CFAP221: variants seen among roughly 807,000 people sequenced by gnomAD.
CFAP221 encodes cilia and flagella associated protein 221, also known as cilia- and flagella-associated protein 221.
In CFAP221, 97 loss-of-function variants were observed where a neutral mutation model predicts 113.1. The ratio of observed to expected loss-of-function variants is 0.86; its 90% CI spans 0.73 to 1.02. The LOEUF (loss-of-function observed/expected upper bound fraction) is 1.02, where lower values mean the gene tolerates loss of function less well. CFAP221 is among the 50% of genes least tolerant of loss of function. CFAP221 has a pLI of 0.00. For synonymous variants in CFAP221, 331 were observed against 354.4 expected (o/e 0.93, Z 0.74); for missense variants, 1,025 against 1,013.4 (o/e 1.01, Z -0.16).
In CFAP221 at chr2:119,611,215, C is replaced by T. The variant is rs904621860; in HGVS notation, c.1222-438C>T. On this transcript the variant is annotated intron_variant, in intron 12 of 23. Transcript: ENST00000413369. ...CTTTTTAATGAAATTTGTATAGTCC[C>T]ATAGTTACAGTTTCCTAAAATTCTT... is the stretch of plus-strand genomic sequence containing the variant. Among the ~76,000 whole-genome samples the T allele has an allele frequency of 7.2e-4, 109 of 152,062 alleles. 5 individuals are homozygous for T. Among genetic ancestry groups the T allele is most frequent in the African/African-American group, 2.7e-4 (11 of 41,400 alleles).
At chr2:119,545,193 A>C (rs1011859596) in intron 1 of CFAP221, 3 of 151,320 alleles carry the variant, frequency 2.0e-5, no homozygotes, top group Non-Finnish European at 2.9e-5. Flanking sequence ...AACCGAAAAA[A>C]CACACAAAGA....
chr2:119,632,485 T>C (rs1268094278), intron 19 of CFAP221, among the ~76,000 whole-genome samples: 1 of 152,110 alleles, frequency 6.6e-6, no homozygotes, highest in Non-Finnish European at 1.5e-5. Context: ...GGGAACTTCC[T>C]CAACCAAATA....
At chr2:119,594,396 C>T (rs148824668) in intron 7 of CFAP221, among the ~76,000 whole-genome samples, 79 of 151,686 alleles carry the variant, frequency 5.2e-4, no homozygotes, top group African/African-American at 1.7e-3. Flanking sequence ...CCAACACGCC[C>T]GGCTAATTTT....
At chr2:119,546,694 C>T (rs953254439) in intron 2 of CFAP221, among the ~76,000 whole-genome samples, 4 of 152,206 alleles carry the variant, frequency 2.6e-5, no homozygotes, top group Non-Finnish European at 5.9e-5. Flanking sequence ...GCCCCCTTCA[C>T]TGTCTGATCT....
At chr2:119,576,370 A>G (rs902868559) in intron 6 of CFAP221, among the ~76,000 whole-genome samples, 1 of 152,054 alleles carries the variant, frequency 6.6e-6, no homozygotes, top group Non-Finnish European at 1.5e-5. Flanking sequence ...TCCACACTCC[A>G]TAGGCCCCAG....
intron 20 of CFAP221, among the ~76,000 whole-genome samples, chr2:119,638,919 C>G (rs1489705487): frequency 6.6e-6 from 1 of 152,030 alleles, no homozygotes; most frequent in Non-Finnish European, 1.5e-5. Flanking sequence ...ACCCTTAACT[C>G]AGATTATGAG....
At chr2:119,567,590 A>G (rs1169007390) in intron 6 of CFAP221, among the ~76,000 whole-genome samples, 1 of 152,208 alleles carries the variant, frequency 6.6e-6, no homozygotes, top group African/African-American at 2.4e-5. Context: ...ATCCATATGC[A>G]GGTTTTTGTG....
intron 7 of CFAP221, among the ~76,000 whole-genome samples, chr2:119,599,001 G>A (rs1443034629): frequency 2.0e-5 from 3 of 152,156 alleles, no homozygotes; most frequent in South Asian, 4.1e-4. Flanking sequence ...GACCAAGTGG[G>A]TGGTCAAAGT....
In CFAP221 at chr2:119,596,023, G is replaced by A. The variant is rs577312466; in HGVS notation, c.632-5195G>A. On this transcript the variant is annotated intron_variant, in intron 7 of 23. Transcript: ENST00000413369. ...GCAGTGTGCAAGGCCTATTGGAGAG[G>A]CCTGCAGGGGTTCGAGGAGGGTGGG... Among the ~76,000 whole-genome samples the A allele has an allele frequency of 2.0e-5, 3 of 152,220 alleles. No homozygotes were observed. In the South Asian group the frequency reaches 6.2e-4, roughly 32 times the overall value.
chr2:119,608,156 G>T (rs1355340990), intron 11 of CFAP221, among the ~76,000 whole-genome samples: 1 of 152,090 alleles, frequency 6.6e-6, no homozygotes, highest in African/African-American at 2.4e-5. Context: ...CACTTGCTCA[G>T]CAATACCCGT....
At chr2:119,604,250 A>G (rs1053329465) in intron 8 of CFAP221, among the ~76,000 whole-genome samples, 1 of 152,160 alleles carries the variant, frequency 6.6e-6, no homozygotes, top group African/African-American at 2.4e-5. Flanking sequence ...CCTGGCCAAC[A>G]TGGTGAAACC....
chr2:119,616,623 G>A (rs1198240100), intron 14 of CFAP221, among the ~76,000 whole-genome samples: 1 of 152,130 alleles, frequency 6.6e-6, no homozygotes, highest in Non-Finnish European at 1.5e-5. Context: ...TGGTCTGGCC[G>A]CAGCCACACC....
At chr2:119,551,819 A>G (rs968108475) in intron 3 of CFAP221, among the ~76,000 whole-genome samples, 13 of 152,318 alleles carry the variant, frequency 8.5e-5, no homozygotes, top group Admixed American at 3.3e-4. Context: ...ATTGCATTGA[A>G]TCTGTAGATC....
intron 3 of CFAP221, among the ~76,000 whole-genome samples, chr2:119,558,219 G>T (rs1349865260): frequency 6.6e-6 from 1 of 152,076 alleles, no homozygotes; most frequent in African/African-American, 2.4e-5. Context: ...CAGGCCTGGG[G>T]CTGAGTGGCC....
intron 7 of CFAP221, among the ~76,000 whole-genome samples, chr2:119,592,831 A>G (rs960641190): frequency 6.6e-6 from 1 of 152,194 alleles, no homozygotes; most frequent in Non-Finnish European, 1.5e-5. Flanking sequence ...TGGCTTTGCT[A>G]GGAATTTGGA....
Position 119,544,464 on chromosome 2 carries a change from C to A in CFAP221, c.-94C>A, listed in dbSNP as rs988324337. 1 of 151,846 alleles carries A rather than the reference C, an allele frequency of 6.6e-6. No individual in the cohort carries two copies. The allele number at this position is 151,846 out of a possible 1,614,324, so 9.4% of individuals were successfully genotyped here. A position where few individuals can be genotyped will look rare whatever the true frequency, so the allele number is the denominator to read the frequency against. On this transcript the variant is annotated 5_prime_UTR_variant, in exon 1 of 24. Coordinates refer to ENST00000413369, the MANE Select transcript of CFAP221 (RefSeq NM_001271049.2). ...TCGTCATGGCGACGCTCCGAGCGGG[C>A]GCCGGCGCTGGCGCCGGCCGAATCC...
intron 6 of CFAP221, among the ~76,000 whole-genome samples, chr2:119,564,419 A>C (rs1681478292): frequency 6.6e-6 from 1 of 152,202 alleles, no homozygotes; most frequent in Non-Finnish European, 1.5e-5. Flanking sequence ...ATAATCTATA[A>C]TAATTTGCAC....
intron 7 of CFAP221, 55 bp downstream of exon 7, chr2:119,587,277 GT>G (rs1683289563): frequency 3.1e-6 from 4 of 1,277,856 alleles, no homozygotes; most frequent in Middle Eastern, 3.7e-4. Flanking sequence ...GCATTCAAAC[GT>G]TATATTTTCA....
chr2:119,604,919 A>G lies in CFAP221; in HGVS notation c.956A>G (p.Asn319Ser). ...CTCAGATTTCCAGTAGATTTATCGA[A>G]TCCATTTGCTGTGGCAACTGTTTTA... The part of the protein sequence containing the change: ...QNLRFPVDLS[N>S]PFAVATVLNQ... Residue 319 changes from asparagine to serine, a missense_variant, in exon 10 of 24, where the codon AAT becomes AGT. Physicochemically the swap from Asn to Ser is conservative, Grantham distance 46. Coordinates refer to ENST00000413369, the MANE Select transcript of CFAP221 (RefSeq NM_001271049.2). 4 of 1,614,174 alleles carry G rather than the reference A, an allele frequency of 2.5e-6. No homozygotes were observed. Among genetic ancestry groups the G allele is most frequent in the Non-Finnish European group, 3.4e-6 (4 of 1,180,040 alleles).
Sources: gnomAD v4.1 joint callset for allele counts (sites outside exome capture counted in the v4.1 genomes callset) on GRCh38, gnomAD v4.1.1 for gene constraint, MANE v1.5 for transcripts, NCBI Gene and HGNC (gene_info 2026-07-23, HGNC 2026-07-21) for gene names.